SVEP1: variants seen among roughly 807,000 people sequenced by gnomAD.
SVEP1 encodes sushi, von Willebrand factor type A, EGF and pentraxin domain containing 1.
Under a neutral mutation model 367.3 loss-of-function variants are expected in SVEP1, and 164 were observed. The ratio of observed to expected loss-of-function variants is 0.45; its 90% CI spans 0.39 to 0.51. The LOEUF is 0.51. Ranked by LOEUF, SVEP1 falls within the 20% of genes least tolerant of loss-of-function variation. The pLI is 0.00. For missense variants in SVEP1, 4,117 were observed against 4,425.3 expected (o/e 0.93, Z 1.98); for synonymous variants, 1,666 against 1,611.6 (o/e 1.03, Z -0.81).
rs1827987694 is a variant in SVEP1 at position 110,408,335 on chromosome 9, C to T, written c.7265G>A (p.Cys2422Tyr). The T allele has an allele frequency of 6.2e-7, 1 of 1,613,708 alleles. No individual in the cohort carries two copies. The highest frequency in any genetic ancestry group is 8.5e-7 in the Non-Finnish European group (1 of 1,179,836). ...AGAGCTCCAGGTGCCATCAGGTTGG[C>T]AGAGGGTGGTAGAATTTCCTCTTAG... ...FFLRGNSTTLCQPDGTWSSPL... is the reference protein window; with the variant it reads ...FFLRGNSTTLYQPDGTWSSPL... Residue 2422 changes from cysteine to tyrosine, a missense_variant, in exon 38 of 48, where the codon TGC (cysteine) becomes TAC (tyrosine). Transcript: ENST00000374469.
rs778140212 is a variant in SVEP1 at position 110,459,107 on chromosome 9, C to A, written c.3329G>T (p.Cys1110Phe). 1 of 1,613,386 alleles carries A rather than the reference C, an allele frequency of 6.2e-7. No individual in the cohort carries two copies. The highest frequency in any genetic ancestry group is 8.5e-7 in the Non-Finnish European group (1 of 1,179,550). ...AVNISACGVP[C>F]PEGKFSRSGL... ...AGAACGCGAGAATTTTCCTTCTGGA[C>A]AAGGAACTGCAGAGGTAAAAACAAA... The change falls in exon 19 of 48, where the codon TGT (cysteine) becomes TTT (phenylalanine). Residue 1110 changes from cysteine to phenylalanine, a missense_variant. Transcript: ENST00000374469.
chr9:110,396,051 T>C (rs921343840), intron 40 of SVEP1, among the ~76,000 whole-genome samples: 1 of 152,170 alleles, frequency 6.6e-6, no homozygotes, highest in Non-Finnish European at 1.5e-5. Flanking sequence ...AGAATATACA[T>C]TCTTTTCAGC....
Position 110,457,337 on chromosome 9 carries a change from A to C in SVEP1, c.3592T>G (p.Phe1198Val). 2 of 1,610,110 alleles carry C rather than the reference A, an allele frequency of 1.2e-6. No homozygotes were observed. The highest frequency in any genetic ancestry group is 1.7e-6 in the Non-Finnish European group (2 of 1,179,040). The stretch of plus-strand genomic sequence containing the variant: ...CCACTATTGTGGCAAGGGTTAAAGA[A>C]GCATTCATGGAAAACCTACCAGTAG... ...EISSQVFHEC[F>V]FNPCHNSGTC... is the part of the protein sequence containing the mutation. The change falls in exon 21 of 48, where the codon TTC (phenylalanine) becomes GTC (valine). Residue 1198 changes from phenylalanine to valine, a missense_variant. This residue lies in a region of SVEP1 where 2,174 missense variants were observed against 2,494.3 expected (regional missense o/e 0.87). Coordinates refer to ENST00000374469, the MANE Select transcript of SVEP1 (RefSeq NM_153366.4).
chr9:110,575,290 G>A (rs1588115109), intron 1 of SVEP1, among the ~76,000 whole-genome samples: 1 of 152,154 alleles, frequency 6.6e-6, no homozygotes, highest in Non-Finnish European at 1.5e-5. Context: ...GGGGAGCACT[G>A]TGTACTCGAC....
Position 110,515,127 on chromosome 9 carries a change from G to C in SVEP1, c.965-1021C>G, listed in dbSNP as rs78909934. Among the ~76,000 whole-genome samples the C allele has an allele frequency of 4.5e-3, 678 of 152,162 alleles. 8 individuals carry two copies. Among genetic ancestry groups the C allele is most frequent in the African/African-American group, 0.016 (651 of 41,502 alleles). ...TTGAATTTGTAACTTAATCCCTCTG[G>C]AGTTATGCATCTGTAAAATAATTTA... is the stretch of plus-strand genomic sequence containing the variant. On this transcript the variant is annotated intron_variant, in intron 3 of 47. Transcript: ENST00000374469.
intron 5 of SVEP1, among the ~76,000 whole-genome samples, chr9:110,507,353 C>A (rs1829640967): frequency 6.6e-6 from 1 of 152,086 alleles, no homozygotes; most frequent in Admixed American, 6.5e-5. Context: ...CCTTAAAATA[C>A]CAGGAAAGGA....
chr9:110,454,297 A>G (rs1564147415), intron 22 of SVEP1, among the ~76,000 whole-genome samples: 1 of 152,210 alleles, frequency 6.6e-6, no homozygotes, highest in African/African-American at 2.4e-5. Context: ...GCCAATGTCA[A>G]GAAGGGTATT....
At chr9:110,427,153 C>T (rs950283995) in intron 36 of SVEP1, among the ~76,000 whole-genome samples, 2 of 151,420 alleles carry the variant, frequency 1.3e-5, no homozygotes, top group Non-Finnish European at 2.9e-5. Flanking sequence ...CAAAAAGTAG[C>T]CGGGTGTGGT....
At chr9:110,493,089 C>T (rs1230321652) in intron 8 of SVEP1, among the ~76,000 whole-genome samples, 3 of 152,034 alleles carry the variant, frequency 2.0e-5, no homozygotes, top group African/African-American at 7.2e-5. Context: ...AGTTGTTCTG[C>T]CCTACACTCT....
chr9:110,473,068 G>T (rs1436288529), intron 14 of SVEP1, among the ~76,000 whole-genome samples: 1 of 152,118 alleles, frequency 6.6e-6, no homozygotes, highest in Non-Finnish European at 1.5e-5. Context: ...AAATATATAA[G>T]CTGTCAAACT....
intron 3 of SVEP1, among the ~76,000 whole-genome samples, chr9:110,520,190 G>A (rs1818551101): frequency 6.6e-6 from 1 of 152,032 alleles, no homozygotes; most frequent in Non-Finnish European, 1.5e-5. Context: ...TAATGATAAT[G>A]AAAAACAGAC....
At chr9:110,548,113 C>T (rs897964071) in intron 2 of SVEP1, among the ~76,000 whole-genome samples, 2 of 152,128 alleles carry the variant, frequency 1.3e-5, no homozygotes, top group African/African-American at 4.8e-5. Flanking sequence ...CAACTGCAAC[C>T]ACCCTGTTTT....
intron 9 of SVEP1, among the ~76,000 whole-genome samples, chr9:110,485,262 G>C (rs888196374): frequency 1.3e-5 from 2 of 152,188 alleles, no homozygotes; most frequent in African/African-American, 4.8e-5. Flanking sequence ...TCATAAAAAG[G>C]AACAAGATCA....
intron 45 of SVEP1, 58 bp from the exon 46 acceptor site, chr9:110,375,521 C>T (rs940122311): frequency 2.2e-6 from 3 of 1,378,898 alleles, no homozygotes; most frequent in South Asian, 1.4e-5. Flanking sequence ...TGGCGTTGAT[C>T]AAAGTACACA....
rs1292085809 is a variant in SVEP1, at chr9:110,443,738, C to T, written c.4464-18G>A. The T allele has an allele frequency of 2.6e-6, 4 of 1,560,180 alleles. No homozygotes were observed. In the South Asian group the frequency reaches 3.6e-5, roughly 14 times the overall value. On this transcript the variant is annotated intron_variant, in intron 26 of 47. Coordinates refer to ENST00000374469, the MANE Select transcript of SVEP1 (RefSeq NM_153366.4). ...GAACCCAGCTGTAGAGAGAAAGATTCCAGGGAATGTAGTCATTAGCCATAT... is the reference window on the plus strand; with the variant it reads ...GAACCCAGCTGTAGAGAGAAAGATTTCAGGGAATGTAGTCATTAGCCATAT...
In SVEP1 at chr9:110,388,433, G is replaced by A. The variant is rs879804858; in HGVS notation, c.9887-975C>T. 5.3e-5 allele frequency among the ~76,000 whole-genome samples: 8 copies of A among 151,992 alleles called. No individual in the cohort carries two copies. The East Asian group carries it at 7.7e-4, about 15-fold the overall frequency. On this transcript the variant is annotated intron_variant, in intron 41 of 47. Coordinates refer to ENST00000374469, the MANE Select transcript of SVEP1 (RefSeq NM_153366.4). Reference sequence around the variant, plus strand: ...AGACTAGTGCTTCTCAAGTTTGGCCGTACCTTAGAGAACCTGGGAAGCATT... The same window carrying A: ...AGACTAGTGCTTCTCAAGTTTGGCCATACCTTAGAGAACCTGGGAAGCATT...
chr9:110,415,770 C>A (rs951696743), intron 36 of SVEP1, among the ~76,000 whole-genome samples: 3 of 151,852 alleles, frequency 2.0e-5, no homozygotes, highest in Non-Finnish European at 2.9e-5. Flanking sequence ...GCTGAGCTGA[C>A]AAGAAAGGAA....
chr9:110,484,498 T>A (rs1003879494), intron 9 of SVEP1, among the ~76,000 whole-genome samples: 1 of 152,014 alleles, frequency 6.6e-6, no homozygotes, highest in Non-Finnish European at 1.5e-5. Flanking sequence ...AGTGGGTGTA[T>A]AATCTAGGCA....
rs1016646029 is a variant in SVEP1 at position 110,455,528 on chromosome 9, A to T, written c.3787+62T>A. 10 of 1,218,670 alleles carry T rather than the reference A, an allele frequency of 8.2e-6. No homozygotes were observed. In the African/African-American group the frequency reaches 1.5e-4, roughly 18 times the overall value. 75.5% of individuals were successfully genotyped at this position (1,218,670 alleles called of 1,614,324 possible). On this transcript the variant is annotated intron_variant, in intron 22 of 47. Transcript: ENST00000374469. ...CTTTGACACATTCCAAATTTATCTC[A>T]GTGATGAAATGTTAATGATTCAAAG...
Sources: allele counts gnomAD v4.1 joint callset (sites outside exome capture counted in the v4.1 genomes callset), GRCh38; gene constraint gnomAD v4.1.1; regional missense constraint gnomAD v4.1.1; transcripts MANE v1.5; gene names NCBI Gene and HGNC (gene_info 2026-07-23, HGNC 2026-07-21).